CHCHD3: variants seen among roughly 807,000 people sequenced by gnomAD.
CHCHD3 encodes the protein MICOS complex subunit MIC19.
A neutral mutation model predicts 38.2 loss-of-function variants in CHCHD3; 20 were observed. The observed-to-expected ratio is 0.52, with a 90% CI of 0.37 to 0.76. CHCHD3 has a LOEUF of 0.76. Among genes scored for constraint, CHCHD3 ranks in the 30% least tolerant of loss-of-function variants. The probability of loss-of-function intolerance (pLI) is 0.00; values close to 1 mark genes in which losing one functional copy is unlikely to be tolerated. For missense variants in CHCHD3, 245 were observed against 279.2 expected (o/e 0.88, Z 0.87); for synonymous variants, 82 against 100.0 (o/e 0.82, Z 1.07).
chr7:133,047,291 T>C (rs1814020736), intron 2 of CHCHD3, among the ~76,000 whole-genome samples: 1 of 152,176 alleles, frequency 6.6e-6, no homozygotes, highest in Non-Finnish European at 1.5e-5. Context: ...AAAAGAGTAC[T>C]GCCCTCAGAA....
chr7:132,897,861 G>C (rs192436303), intron 4 of CHCHD3, among the ~76,000 whole-genome samples: 2,083 of 152,304 alleles, frequency 0.014, 22 homozygotes, highest in Non-Finnish European at 0.02. Context: ...CTGACTTCAA[G>C]AATGAAGCCG....
At position 132,796,579 on chromosome 7, in the gene CHCHD3, T is replaced by C; in HGVS notation, c.525-2A>G. 6.2e-7 allele frequency: 1 copy of C among 1,613,518 alleles called. No individual in the cohort carries two copies. The highest frequency in any genetic ancestry group is 8.5e-7 in the Non-Finnish European group (1 of 1,179,626). ...CAGACTGGATGAGACTCATATCGCC[T>C]GAAAACAAACACAGGGACCGCTGAG... On this transcript the variant is annotated splice_acceptor_variant, in intron 6 of 7. Transcript: ENST00000262570. LOFTEE classifies it high-confidence loss of function.
intron 4 of CHCHD3, among the ~76,000 whole-genome samples, chr7:132,916,556 T>C (rs532897380): frequency 2.0e-5 from 3 of 152,312 alleles, no homozygotes; most frequent in Non-Finnish European, 4.4e-5. Flanking sequence ...TTTTAATTTA[T>C]TATTAGTTAT....
intron 5 of CHCHD3, among the ~76,000 whole-genome samples, chr7:132,878,948 G>A (rs1342807196): frequency 6.6e-6 from 1 of 152,164 alleles, no homozygotes; most frequent in East Asian, 1.9e-4. Flanking sequence ...TTGTAAGGGA[G>A]TCAGAGACAG....
chr7:132,920,076 T>C lies in CHCHD3; in HGVS notation c.370-34331A>G, dbSNP rs73724121. On this transcript the variant is annotated intron_variant, in intron 4 of 7. Coordinates refer to ENST00000262570, the MANE Select transcript of CHCHD3 (RefSeq NM_017812.4). ...GTCATCATGCCCTTCTCTATCCCTTTATTATAACATGAGTAGTCCATGGAG... is the reference window on the plus strand; with the variant it reads ...GTCATCATGCCCTTCTCTATCCCTTCATTATAACATGAGTAGTCCATGGAG... 8.6e-3 allele frequency among the ~76,000 whole-genome samples: 1,310 copies of C among 152,304 alleles called. 23 individuals are homozygous for C. Among genetic ancestry groups the C allele is most frequent in the African/African-American group, 0.03 (1,252 of 41,544 alleles).
chr7:132,929,027 TA>T (rs1466805385), intron 4 of CHCHD3, among the ~76,000 whole-genome samples: 2 of 152,190 alleles, frequency 1.3e-5, no homozygotes, highest in Non-Finnish European at 2.9e-5. Flanking sequence ...TTAATACCTT[TA>T]AGGAAAACCA....
chr7:132,942,162 TAAGA>T (rs1810783947), intron 4 of CHCHD3, among the ~76,000 whole-genome samples: 1 of 151,802 alleles, frequency 6.6e-6, no homozygotes, highest in Non-Finnish European at 1.5e-5. Context: ...ACACTTCTAA[TAAGA>T]AAGAGCGGTG....
At chr7:132,817,751 G>T (rs1807235983) in intron 6 of CHCHD3, among the ~76,000 whole-genome samples, 1 of 152,080 alleles carries the variant, frequency 6.6e-6, no homozygotes, top group East Asian at 1.9e-4. Flanking sequence ...CAGCTACTCA[G>T]GAGGCTGAGA....
chr7:133,044,922 G>T (rs536708855), intron 2 of CHCHD3, among the ~76,000 whole-genome samples: 1 of 152,340 alleles, frequency 6.6e-6, no homozygotes, highest in East Asian at 1.9e-4. Flanking sequence ...TCTGATCCAG[G>T]ATGCTGGCCT....
intron 6 of CHCHD3, among the ~76,000 whole-genome samples, chr7:132,834,311 T>C (rs1207403576): frequency 2.0e-5 from 3 of 152,174 alleles, no homozygotes; most frequent in African/African-American, 7.2e-5. Context: ...ATGAACTCAC[T>C]GCAAATCAAA....
chr7:133,049,251 A>G (rs987990308), intron 2 of CHCHD3, among the ~76,000 whole-genome samples: 5 of 152,240 alleles, frequency 3.3e-5, no homozygotes, highest in Non-Finnish European at 5.9e-5. Flanking sequence ...AATCTGTTAT[A>G]TAACTACAGC....
chr7:133,020,901 T>C (rs917056520), intron 3 of CHCHD3, among the ~76,000 whole-genome samples: 7 of 149,672 alleles, frequency 4.7e-5, no homozygotes, highest in South Asian at 2.1e-4. Context: ...TTTCTCACTA[T>C]TGGTACAACT....
intron 6 of CHCHD3, among the ~76,000 whole-genome samples, chr7:132,804,475 A>C (rs908949779): frequency 6.6e-6 from 1 of 152,126 alleles, no homozygotes; most frequent in African/African-American, 2.4e-5. Context: ...AGTTTGGTGA[A>C]ATTTCATTTG....
rs1004225443 is a variant in CHCHD3 at position 132,788,114 on chromosome 7, G to T, written c.661-2454C>A. The stretch of plus-strand genomic sequence containing the variant: ...CCTGCTTATGAATTGATCTGTGTGA[G>T]CCTCTCCAATCACATAGATGATAAG... On this transcript the variant is annotated intron_variant, in intron 7 of 7. Coordinates refer to ENST00000262570, the MANE Select transcript of CHCHD3 (RefSeq NM_017812.4). This position sits in a 1 kb window ranked among gnomAD's most constrained non-coding sequence, Gnocchi z 4.0. 1.3e-5 allele frequency among the ~76,000 whole-genome samples: 2 copies of T among 152,150 alleles called. No homozygotes were observed. Among genetic ancestry groups the T allele is most frequent in the Non-Finnish European group, 2.9e-5 (2 of 68,040 alleles).
At chr7:132,800,820 G>A (rs983405198) in intron 6 of CHCHD3, among the ~76,000 whole-genome samples, 6 of 151,984 alleles carry the variant, frequency 3.9e-5, no homozygotes, top group African/African-American at 1.4e-4. Context: ...GAGGGAGAGA[G>A]AAAATGAAGA....
In CHCHD3 at chr7:132,983,765, G is replaced by T. The variant is rs73724135; in HGVS notation, c.252-8479C>A. On this transcript the variant is annotated intron_variant, in intron 3 of 7. Coordinates refer to ENST00000262570, the MANE Select transcript of CHCHD3 (RefSeq NM_017812.4). ...GAGGAAAAAAAAGTTGAATTGCTTG[G>T]TAAGTACCATAGATTGAGGTCTGCA... 9.7e-3 allele frequency among the ~76,000 whole-genome samples: 1,476 copies of T among 152,202 alleles called. 33 individuals are homozygous for T. The highest frequency in any genetic ancestry group is 0.034 in the African/African-American group (1,415 of 41,516).
intron 5 of CHCHD3, among the ~76,000 whole-genome samples, chr7:132,875,815 C>T (rs752256652): frequency 2.0e-5 from 3 of 152,212 alleles, no homozygotes; most frequent in East Asian, 1.9e-4. Flanking sequence ...TTAGTCTACA[C>T]GGACAAATTG....
chr7:133,032,100 G>A (rs987704067), intron 2 of CHCHD3, among the ~76,000 whole-genome samples: 3 of 152,130 alleles, frequency 2.0e-5, no homozygotes, highest in African/African-American at 7.2e-5. Context: ...TGGAAGAAGA[G>A]CCAAAAGATG....
At chr7:132,955,174 GT>G (rs1410387527) in intron 4 of CHCHD3, among the ~76,000 whole-genome samples, 394 of 5,330 alleles carry the variant, frequency 0.074, no homozygotes, top group Non-Finnish European at 0.15. Context: ...CCCTCAGAGG[GT>G]GTGTGTGTGT....
Sources: allele counts gnomAD v4.1 joint callset (sites outside exome capture counted in the v4.1 genomes callset), GRCh38; gene constraint gnomAD v4.1.1; non-coding constraint Gnocchi (gnomAD v3.1); transcripts MANE v1.5; gene names NCBI Gene and HGNC (gene_info 2026-07-23, HGNC 2026-07-21).